The following PARD3 variants were observed in gnomAD, a reference collection of about 807,000 sequenced individuals.
PARD3 encodes the protein partitioning defective 3 homolog.
PARD3 carries 75 observed loss-of-function variants against 155.4 expected under a neutral mutation model. That is an observed-to-expected ratio of 0.48 (90% CI 0.40 to 0.58). The LOEUF (loss-of-function observed/expected upper bound fraction) is 0.58, where lower values mean the gene tolerates loss of function less well. Among genes scored for constraint, PARD3 ranks in the 20% least tolerant of loss-of-function variants. The pLI is 0.00. For missense variants in PARD3, 1,642 were observed against 1,721.7 expected, an observed-to-expected ratio of 0.95 and a Z score of 0.82; for synonymous variants, 576 against 610.5, an observed-to-expected ratio of 0.94 and a Z score of 0.83.
chr10:34,226,375 C>T (rs995454047), intron 22 of PARD3, among the ~76,000 whole-genome samples: 1 of 152,072 alleles, frequency 6.6e-6, no homozygotes, highest in African/African-American at 2.4e-5. Context: ...CATGGTGAAA[C>T]CCCGTCTCTA....
intron 4 of PARD3, among the ~76,000 whole-genome samples, chr10:34,451,419 A>G (rs778057916): frequency 5.9e-5 from 9 of 152,162 alleles, no homozygotes; most frequent in African/African-American, 1.7e-4. Flanking sequence ...TAATCTGGCT[A>G]TAAGTATTAC....
At chr10:34,694,154 GA>G (rs565930938) in intron 2 of PARD3, among the ~76,000 whole-genome samples, 1,282 of 120,280 alleles carry the variant, frequency 0.011, 11 homozygotes, top group African/African-American at 0.029. Context: ...AGAGGGAGAA[GA>G]AAAAAAAAAA....
intron 1 of PARD3, among the ~76,000 whole-genome samples, chr10:34,735,354 T>C (rs990455035): frequency 6.6e-6 from 1 of 152,196 alleles, no homozygotes; most frequent in African/African-American, 2.4e-5. Flanking sequence ...ATTAAAGGAA[T>C]AAAGTTATGA....
At chr10:34,607,814 T>C (rs2090585472) in intron 2 of PARD3, among the ~76,000 whole-genome samples, 1 of 152,172 alleles carries the variant, frequency 6.6e-6, no homozygotes, top group South Asian at 2.1e-4. Flanking sequence ...AACCAAAGCT[T>C]TGTGAGAAAC....
At chr10:34,694,544 C>T (rs2094130276) in intron 2 of PARD3, among the ~76,000 whole-genome samples, 1 of 144,416 alleles carries the variant, frequency 6.9e-6, no homozygotes, top group Admixed American at 7.1e-5. Context: ...GATCTCAGCT[C>T]ACTGCAAGCT....
rs534022245 is a variant in PARD3 at position 34,711,219 on chromosome 10, A to C, written c.121-14800T>G. On this transcript the variant is annotated intron_variant, in intron 1 of 24. Transcript: ENST00000374788. Reference sequence around the variant, plus strand: ...CTCCCCCTCCATGAAATGTGCTCCAACTCTGAAGTATTTACCTAGGCCAGG... The same window carrying C: ...CTCCCCCTCCATGAAATGTGCTCCACCTCTGAAGTATTTACCTAGGCCAGG... Among the ~76,000 whole-genome samples the C allele has an allele frequency of 2.0e-5, 3 of 151,890 alleles. No homozygotes were observed. The East Asian group carries it at 5.8e-4, about 29-fold the overall frequency.
At chr10:34,666,539 C>T (rs1460208049) in intron 2 of PARD3, among the ~76,000 whole-genome samples, 5 of 151,856 alleles carry the variant, frequency 3.3e-5, no homozygotes, top group African/African-American at 9.7e-5. Context: ...CCCTTACTAA[C>T]GTCCAGGAGT....
At chr10:34,280,588 A>C (rs1956110074) in intron 21 of PARD3, among the ~76,000 whole-genome samples, 1 of 152,204 alleles carries the variant, frequency 6.6e-6, no homozygotes, top group Non-Finnish European at 1.5e-5. Context: ...GAAGCCAGAA[A>C]GTAGAGACAG....
chr10:34,317,295 A>T lies in PARD3; in HGVS notation c.2877T>A (p.Ser959=). ...AAGGCTGATCACTGGCTGTGGATAC[A>T]GACTCTCTCCCTGATCTTGAACTTT... The part of the protein sequence containing the change: ...TEESSRSGRE[S]VSTASDQPSH... Residue 959 remains serine, a synonymous_variant, in exon 20 of 25, where the codon TCT becomes TCA. Coordinates refer to ENST00000374788, the MANE Select transcript of PARD3 (RefSeq NM_001184785.2). 8 of 1,613,336 alleles carry T rather than the reference A, an allele frequency of 5.0e-6. No homozygotes were observed. Among genetic ancestry groups the T allele is most frequent in the Non-Finnish European group, 6.8e-6 (8 of 1,179,812 alleles).
intron 22 of PARD3, among the ~76,000 whole-genome samples, chr10:34,159,950 A>G (rs1274483): frequency 6.6e-6 from 1 of 152,100 alleles, no homozygotes; most frequent in African/African-American, 2.4e-5. Flanking sequence ...TTATCTTAAC[A>G]TTTTCACCCA....
chr10:34,258,271 G>A (rs1291020701), intron 22 of PARD3, among the ~76,000 whole-genome samples: 1 of 152,200 alleles, frequency 6.6e-6, no homozygotes, highest in Non-Finnish European at 1.5e-5. Flanking sequence ...TGGAGAACAA[G>A]ACTGGAGATG....
chr10:34,736,327 GCC>G (rs1245965656), intron 1 of PARD3, among the ~76,000 whole-genome samples: 1 of 111,668 alleles, frequency 9.0e-6, no homozygotes. Flanking sequence ...ACTGCGCCTG[GCC>G]CTTTTTTTTT....
chr10:34,183,765 C>A (rs1950367061), intron 22 of PARD3, among the ~76,000 whole-genome samples: 1 of 152,202 alleles, frequency 6.6e-6, no homozygotes, highest in African/African-American at 2.4e-5. Context: ...GTTCCAAGCC[C>A]CCCTCCCTTT....
chr10:34,176,947 TTG>T (rs55740137), intron 22 of PARD3, among the ~76,000 whole-genome samples: 17,288 of 149,422 alleles, frequency 0.12, 2,534 homozygotes, highest in African/African-American at 0.35. Context: ...GAGAAGCAGG[TTG>T]TGTGTGTGTG....
At chr10:34,511,405 A>G (rs1342442620) in intron 3 of PARD3, among the ~76,000 whole-genome samples, 2 of 152,140 alleles carry the variant, frequency 1.3e-5, no homozygotes, top group Non-Finnish European at 2.9e-5. Context: ...CTGGTAATTT[A>G]TAAAGAACAG....
chr10:34,331,243 TATCCC>T lies in PARD3; in HGVS notation c.2702_2706del (p.Gly901AspfsTer18). ...CGCGGCCGTGGACGATGGAAAGGAA[TATCCC>T]CATTCAAAGTCACCTCGGCAACTGC... On this transcript the variant is annotated frameshift_variant, in exon 19 of 25. Coordinates refer to ENST00000374788, the MANE Select transcript of PARD3 (RefSeq NM_001184785.2). LOFTEE classifies it high-confidence loss of function. 1 of 1,614,020 alleles carries T rather than the reference TATCCC, an allele frequency of 6.2e-7. No homozygotes were observed. The highest frequency in any genetic ancestry group is 8.5e-7 in the Non-Finnish European group (1 of 1,179,962).
intron 20 of PARD3, among the ~76,000 whole-genome samples, chr10:34,291,961 T>G (rs1460347967): frequency 1.3e-5 from 2 of 152,168 alleles, no homozygotes; most frequent in African/African-American, 4.8e-5. Flanking sequence ...AGAACTTATC[T>G]CGGAAGGCCA....
chr10:34,526,013 T>C (rs1192570674), intron 2 of PARD3, among the ~76,000 whole-genome samples: 1 of 133,748 alleles, frequency 7.5e-6, no homozygotes, highest in Non-Finnish European at 1.5e-5. Context: ...ACGTGGGAGA[T>C]GGAGGTTGCG....
chr10:34,480,951 G>C (rs1435638131), intron 3 of PARD3, among the ~76,000 whole-genome samples: 3 of 151,696 alleles, frequency 2.0e-5, no homozygotes, highest in Non-Finnish European at 4.4e-5. Context: ...ACAGGTGCCT[G>C]CCACCACATC....
Sources: gnomAD v4.1 joint callset for allele counts (sites outside exome capture counted in the v4.1 genomes callset) on GRCh38, gnomAD v4.1.1 for gene constraint, MANE v1.5 for transcripts, NCBI Gene and HGNC (gene_info 2026-07-23, HGNC 2026-07-21) for gene names.